RIMKLB: variants seen among roughly 807,000 people sequenced by gnomAD.
The protein encoded by RIMKLB is ribosomal modification protein rimK like family member B.
In RIMKLB, 7 loss-of-function variants were observed where a neutral mutation model predicts 32.0. That is an observed-to-expected ratio of 0.22 (90% CI 0.12 to 0.41). RIMKLB has a LOEUF of 0.41. RIMKLB is among the 10% of genes least tolerant of loss of function. The pLI is 1.00. For synonymous variants in RIMKLB, 172 were observed against 185.1 expected (o/e 0.93, Z 0.57); for missense variants, 289 against 498.7 (o/e 0.58, Z 4.00).
chr12:8,769,471 A>G (rs1950237496), intron 5 of RIMKLB, among the ~76,000 whole-genome samples: 3 of 152,158 alleles, frequency 2.0e-5, no homozygotes, highest in Non-Finnish European at 2.9e-5. Flanking sequence ...ACTAGTTTCC[A>G]TCTTTTAATG....
intron 1 of RIMKLB, among the ~76,000 whole-genome samples, chr12:8,692,061 A>G (rs754531781): frequency 3.3e-5 from 5 of 152,150 alleles, no homozygotes; most frequent in Non-Finnish European, 4.4e-5. Context: ...GAACACATCT[A>G]ATGTGCCTTT....
chr12:8,671,494 C>A, the RIMKLB span, among the ~76,000 whole-genome samples: 1 of 152,152 alleles, frequency 6.6e-6, no homozygotes, highest in South Asian at 2.1e-4. Flanking sequence ...AGGTGATCTG[C>A]CCGCCTCGGC....
At chr12:8,673,954 C>T in the RIMKLB span, among the ~76,000 whole-genome samples, 1 of 152,058 alleles carries the variant, frequency 6.6e-6, no homozygotes, top group South Asian at 2.1e-4. Flanking sequence ...AGAAACATCA[C>T]ATCTCCTAAG....
At chr12:8,718,622 A>C (rs2137040985) in intron 2 of RIMKLB, among the ~76,000 whole-genome samples, 1 of 151,842 alleles carries the variant, frequency 6.6e-6, no homozygotes, top group South Asian at 2.1e-4. Context: ...TAGTCTGACA[A>C]CAAAGCGAGA....
intron 5 of RIMKLB, among the ~76,000 whole-genome samples, chr12:8,758,510 C>T (rs73036923): frequency 1.3e-5 from 2 of 151,780 alleles, no homozygotes; most frequent in African/African-American, 4.8e-5. Context: ...ATTTCTTCTT[C>T]TTTTTTTTGA....
chr12:8,730,015 TACTG>T (rs762366927), intron 2 of RIMKLB, among the ~76,000 whole-genome samples: 8 of 152,250 alleles, frequency 5.3e-5, no homozygotes, highest in Non-Finnish European at 1.0e-4. Flanking sequence ...CTTGGGATAA[TACTG>T]ACACAAGAGT....
chr12:8,766,969 C>A (rs1227645502), intron 5 of RIMKLB, among the ~76,000 whole-genome samples: 1 of 152,340 alleles, frequency 6.6e-6, no homozygotes, highest in Middle Eastern at 3.4e-3. Flanking sequence ...ATGCAGTTGC[C>A]GCTACCGACT....
At chr12:8,695,176 T>C (rs1333663803), upstream of RIMKLB, among the ~76,000 whole-genome samples, 2 of 150,780 alleles carry the variant, frequency 1.3e-5, no homozygotes, top group African/African-American at 4.9e-5. Flanking sequence ...GGGGATTCAA[T>C]TGCCGCACCG....
intron 2 of RIMKLB, 116 bp from the exon 3 acceptor site, chr12:8,749,746 A>T: frequency 1.5e-6 from 1 of 679,110 alleles, no homozygotes; most frequent in Non-Finnish European, 2.5e-6. Context: ...ATCCCAATTT[A>T]ATATTAACAA....
chr12:8,763,349 G>A (rs1033067288), intron 5 of RIMKLB, among the ~76,000 whole-genome samples: 2 of 152,162 alleles, frequency 1.3e-5, no homozygotes, highest in Non-Finnish European at 2.9e-5. Context: ...TTGGGTTAGG[G>A]CCTTCTTTAG....
At position 8,743,054 on chromosome 12, in the gene RIMKLB, G is replaced by A. The variant is rs940197613; in HGVS notation, c.176-6808G>A. ...TCTACTTCTGCAGAGATTCTGAAGA[G>A]ATTGAAAAAGAAGAGCAGTCTGGGC... On this transcript the variant is annotated intron_variant, in intron 2 of 5. Transcript: ENST00000535829. 3 of 152,986 alleles carry A rather than the reference G, an allele frequency of 2.0e-5. No individual in the cohort carries two copies. In the Admixed American group the frequency reaches 2.0e-4, roughly 10 times the overall value. The allele number at this position is 152,986 out of a possible 1,614,324, so 9.5% of individuals were successfully genotyped here.
chr12:8,674,741 G>T, the RIMKLB span, among the ~76,000 whole-genome samples: 2 of 152,144 alleles, frequency 1.3e-5, no homozygotes, highest in African/African-American at 4.8e-5. Flanking sequence ...GTAGAGATGG[G>T]GTTTCACCAT....
At chr12:8,674,037 A>C in the RIMKLB span, among the ~76,000 whole-genome samples, 95 of 152,170 alleles carry the variant, frequency 6.2e-4, 1 homozygote, top group Admixed American at 5.5e-3. Flanking sequence ...ATTTAAGGGA[A>C]AGAGAAATAA....
At chr12:8,692,003 G>GTTT (rs148856997) in intron 1 of RIMKLB, among the ~76,000 whole-genome samples, 11 of 149,636 alleles carry the variant, frequency 7.4e-5, no homozygotes, top group African/African-American at 2.7e-4. Flanking sequence ...CCAAGAGAGG[G>GTTT]TTTTTTTTTT....
In RIMKLB at chr12:8,703,949, C is replaced by G. The variant is rs750391434; in HGVS notation, c.-57+5652C>G. On this transcript the variant is annotated intron_variant, in intron 1 of 5. Transcript: ENST00000535829. ...TTCTGATTTCTTTGTAGAAAAAAAG[C>G]ATAGAGAAATAGAAAATCTTAATTC... Among the ~76,000 whole-genome samples the G allele has an allele frequency of 2.0e-5, 3 of 152,268 alleles. No homozygotes were observed. In the South Asian group the frequency reaches 6.2e-4, roughly 32 times the overall value.
chr12:8,753,863 A>G, intron 4 of RIMKLB, 27 bp from the exon 5 acceptor site: 2 of 1,578,160 alleles, frequency 1.3e-6, no homozygotes, highest in Non-Finnish European at 1.7e-6. Flanking sequence ...ATGACTTAAC[A>G]TGTATTTTTA....
intron 1 of RIMKLB, among the ~76,000 whole-genome samples, chr12:8,682,242 C>G (rs1942428443): frequency 6.6e-6 from 1 of 152,136 alleles, no homozygotes; most frequent in South Asian, 2.1e-4. Context: ...CACGAGAGGG[C>G]AACAAATAAC....
chr12:8,743,943 A>G (rs964357326), intron 2 of RIMKLB, among the ~76,000 whole-genome samples: 8 of 151,996 alleles, frequency 5.3e-5, no homozygotes, highest in African/African-American at 1.9e-4. Context: ...TATTAAAAAG[A>G]CAATATGTGT....
At chr12:8,672,607 C>A in the RIMKLB span, among the ~76,000 whole-genome samples, 1 of 151,458 alleles carries the variant, frequency 6.6e-6, no homozygotes, top group African/African-American at 2.4e-5. Context: ...GAAAGATGAC[C>A]CCCCCATGAT....
Sources: allele counts gnomAD v4.1 joint callset (sites outside exome capture counted in the v4.1 genomes callset), GRCh38; gene constraint gnomAD v4.1.1; transcripts MANE v1.5; gene names NCBI Gene and HGNC (gene_info 2026-07-23, HGNC 2026-07-21).